The following RPS6KA6 variants were observed in gnomAD, a reference collection of about 807,000 sequenced individuals.
RPS6KA6 encodes ribosomal protein S6 kinase A6, also known as ribosomal protein S6 kinase alpha-6.
Under a neutral mutation model 65.4 loss-of-function variants are expected in RPS6KA6, and 27 were observed. That is an observed-to-expected ratio of 0.41 (90% CI 0.30 to 0.57). RPS6KA6 has a LOEUF of 0.57. RPS6KA6 is among the 20% of genes least tolerant of loss of function. The pLI is 0.24. For synonymous variants in RPS6KA6, 190 were observed against 184.2 expected (o/e 1.03, Z -0.26); for missense variants, 486 against 555.6 (o/e 0.87, Z 1.26).
At chrX:84,175,954 A>T (rs1042875736) in intron 1 of RPS6KA6, among the ~76,000 whole-genome samples, 19 of 111,438 alleles carry the variant, frequency 1.7e-4, no homozygotes, top group African/African-American at 4.9e-4. Context: ...AGAACCAATT[A>T]AAAAAAATCC....
intron 18 of RPS6KA6, 104 bp downstream of exon 18, chrX:84,101,933 A>T: frequency 3.1e-6 from 2 of 655,621 alleles, no homozygotes; most frequent in Non-Finnish European, 4.4e-6. Flanking sequence ...TGAAAAGGGC[A>T]AGGTAACAGC....
intron 2 of RPS6KA6, among the ~76,000 whole-genome samples, chrX:84,163,645 C>CAAAAAAA (rs1184307765): frequency 2.1e-5 from 1 of 47,011 alleles, no homozygotes; most frequent in African/African-American, 8.7e-5. Context: ...GACTCCGTCT[C>CAAAAAAA]AAAAAAAAAA....
chrX:84,095,905 G>T (rs1030940250), intron 20 of RPS6KA6, among the ~76,000 whole-genome samples: 3 of 111,687 alleles, frequency 2.7e-5, no homozygotes, highest in African/African-American at 9.7e-5. Flanking sequence ...ACTTTAGTTG[G>T]CTTTAAATAT....
chrX:84,064,981 T>G lies in RPS6KA6; in HGVS notation c.2102A>C (p.His701Pro). Residue 701 changes from histidine (H) to proline (P), a missense_variant, in exon 21 of 22, where the codon CAT (histidine) becomes CCT (proline). This residue lies in a region of RPS6KA6 where 345 missense variants were observed against 375.0 expected (regional missense o/e 0.92). Transcript: ENST00000262752. ...NDQPKRNDVS[H>P]VVKGAMVATY... is the part of the protein sequence containing the mutation. ...GTATGTTTGTTTTACCTTAACAACA[T>G]GTGACACATCATTTCTCTTTGGCTG... The G allele has an allele frequency of 8.3e-7, 1 of 1,207,083 alleles. No homozygotes were observed. The highest frequency in any genetic ancestry group is 1.1e-6 in the Non-Finnish European group (1 of 891,949).
intron 12 of RPS6KA6, 101 bp from the exon 13 acceptor site, chrX:84,107,826 A>G (rs1348631951): frequency 2.7e-6 from 1 of 368,978 alleles, no homozygotes; most frequent in Non-Finnish European, 4.6e-6. Flanking sequence ...CCATAATAGA[A>G]GACTAACAAT....
intron 17 of RPS6KA6, among the ~76,000 whole-genome samples, chrX:84,103,936 CTTTG>C (rs1333884350): frequency 9.0e-6 from 1 of 110,607 alleles, no homozygotes; most frequent in African/African-American, 3.3e-5. Flanking sequence ...TTACTCCCTA[CTTTG>C]TTTTTTTATA....
At chrX:84,129,470 A>G (rs1357994566) in intron 8 of RPS6KA6, among the ~76,000 whole-genome samples, 1 of 111,685 alleles carries the variant, frequency 9.0e-6, no homozygotes, top group Non-Finnish European at 1.9e-5. Flanking sequence ...CAGAGCTACC[A>G]TATGATCCAT....
intron 1 of RPS6KA6, among the ~76,000 whole-genome samples, chrX:84,177,702 G>T (rs1048037813): frequency 8.9e-6 from 1 of 112,557 alleles, no homozygotes; most frequent in Non-Finnish European, 1.9e-5. Flanking sequence ...CAAGGTTAAA[G>T]AAGGTAGTTT....
chrX:84,143,943 T>A (rs1198623386), intron 6 of RPS6KA6, among the ~76,000 whole-genome samples: 2 of 111,104 alleles, frequency 1.8e-5, no homozygotes, highest in African/African-American at 6.5e-5. Context: ...AAAGACAGAC[T>A]TTTCCAATAA....
intron 18 of RPS6KA6, among the ~76,000 whole-genome samples, chrX:84,101,165 T>C (rs957387557): frequency 7.2e-5 from 8 of 111,388 alleles, no homozygotes; most frequent in Non-Finnish European, 7.6e-5. Flanking sequence ...GTTTTAGGTA[T>C]TTTGATTTTC....
chrX:84,164,397 A>AT lies in RPS6KA6; in HGVS notation c.82-11dup. ...TTTTAAGACCATTTACCTGAAAAAC[A>AT]TTGTTCAAAAATTGAGGTTCAAAAG... On this transcript the variant is annotated splice_polypyrimidine_tract_variant and intron_variant, in intron 1 of 21. Transcript: ENST00000262752. 1 of 1,166,393 alleles carries AT rather than the reference A, an allele frequency of 8.6e-7. No homozygotes were observed. The highest frequency in any genetic ancestry group is 2.4e-4 in the Middle Eastern group (1 of 4,239).
intron 1 of RPS6KA6, among the ~76,000 whole-genome samples, chrX:84,182,195 C>T (rs187956145): frequency 4.6e-5 from 5 of 109,597 alleles, no homozygotes; most frequent in East Asian, 2.8e-4. Context: ...ATTTAGAAAA[C>T]GTCTCTTATC....
Position 84,164,498 on chromosome X carries a change from T to TA in RPS6KA6, c.82-112dup, listed in dbSNP as rs2035567723. The TA allele has an allele frequency of 5.9e-6, 3 of 509,525 alleles. No homozygotes were observed. The Admixed American group carries it at 1.2e-4, about 20-fold the overall frequency. The allele number at this position is 509,525 out of a possible 1,213,427, so 42.0% of individuals were successfully genotyped here. A position where few individuals can be genotyped will look rare whatever the true frequency, so the allele number is the denominator to read the frequency against. On this transcript the variant is annotated intron_variant, in intron 1 of 21. Coordinates refer to ENST00000262752, the MANE Select transcript of RPS6KA6 (RefSeq NM_014496.5). ...TCCACAATCTAACAAGATCCACACT[T>TA]ACTGAAAAACAAAAGGACAAAGGAC...
At chrX:84,122,361 G>GTTTTTT (rs35459607) in intron 8 of RPS6KA6, among the ~76,000 whole-genome samples, 1 of 43,009 alleles carries the variant, frequency 2.3e-5, no homozygotes. Flanking sequence ...TTTTTTTTAA[G>GTTTTTT]TTTTTTTTTT....
At chrX:84,170,329 C>G (rs1359473997) in intron 1 of RPS6KA6, among the ~76,000 whole-genome samples, 1 of 110,637 alleles carries the variant, frequency 9.0e-6, no homozygotes, top group African/African-American at 3.3e-5. Context: ...GGGTCCACAT[C>G]TACCTAAAAT....
At chrX:84,184,839 A>G (rs2147658992) in intron 1 of RPS6KA6, among the ~76,000 whole-genome samples, 1 of 107,376 alleles carries the variant, frequency 9.3e-6, no homozygotes, top group South Asian at 4.1e-4. Context: ...CAAAAAAAAA[A>G]AAAAAAAAAA....
chrX:84,163,237 C>G (rs961106947), intron 2 of RPS6KA6, among the ~76,000 whole-genome samples: 2 of 112,313 alleles, frequency 1.8e-5, no homozygotes, highest in Non-Finnish European at 3.8e-5. Context: ...GATTCTGCTA[C>G]TAGCTACTTT....
intron 17 of RPS6KA6, among the ~76,000 whole-genome samples, chrX:84,103,747 A>T (rs1408711378): frequency 1.8e-5 from 2 of 111,178 alleles, no homozygotes; most frequent in Non-Finnish European, 3.8e-5. Context: ...ATTATATATT[A>T]AAAAATACTG....
chrX:84,075,591 A>C (rs1005287159), intron 20 of RPS6KA6, among the ~76,000 whole-genome samples: 8 of 111,444 alleles, frequency 7.2e-5, no homozygotes, highest in Non-Finnish European at 1.5e-4. Context: ...AGGCACATCA[A>C]ACCCAAATCA....
Sources: gnomAD v4.1 joint callset for allele counts (sites outside exome capture counted in the v4.1 genomes callset) on GRCh38, gnomAD v4.1.1 for gene constraint, gnomAD v4.1.1 regional missense constraint, MANE v1.5 for transcripts, NCBI Gene and HGNC (gene_info 2026-07-23, HGNC 2026-07-21) for gene names.